CGNL1: variants seen among roughly 807,000 people sequenced by gnomAD.
CGNL1 encodes the protein cingulin-like protein 1.
In CGNL1, 132 loss-of-function variants were observed where a neutral mutation model predicts 141.2. That is an observed-to-expected ratio of 0.93 (90% CI 0.81 to 1.08). CGNL1 has a LOEUF of 1.08. Among genes scored for constraint, CGNL1 ranks in the 50% least tolerant of loss-of-function variants. The pLI, the probability that CGNL1 is intolerant of heterozygous loss-of-function variation, is 0.00. For synonymous variants in CGNL1, 690 were observed against 622.1 expected, an observed-to-expected ratio of 1.11 and a Z score of -1.63; for missense variants, 1,870 against 1,588.6, an observed-to-expected ratio of 1.18 and a Z score of -3.01.
chr15:57,381,176 AC>A (rs1343945623), intron 1 of CGNL1, among the ~76,000 whole-genome samples: 1 of 152,024 alleles, frequency 6.6e-6, no homozygotes, highest in South Asian at 2.1e-4. Flanking sequence ...ATTACTGTAA[AC>A]CCTTTACATT....
chr15:57,484,722 C>A (rs764938038), intron 8 of CGNL1, among the ~76,000 whole-genome samples: 8 of 152,118 alleles, frequency 5.3e-5, no homozygotes, highest in African/African-American at 1.2e-4. Flanking sequence ...CCTTACCCCC[C>A]AATCCACTGA....
At chr15:57,518,302 G>T in intron 9 of CGNL1, 91 bp from the exon 10 acceptor site, 1 of 908,172 alleles carries the variant, frequency 1.1e-6, no homozygotes, top group South Asian at 1.5e-5. Flanking sequence ...CCATATCTAT[G>T]GGTGTCTTCG....
At chr15:57,440,493 A>G in intron 3 of CGNL1, 22 bp downstream of exon 3, 1 of 1,512,748 alleles carries the variant, frequency 6.6e-7, no homozygotes, top group Non-Finnish European at 9.0e-7. Context: ...TCCCTCTGAA[A>G]GAGCAAAGTA....
intron 1 of CGNL1, among the ~76,000 whole-genome samples, chr15:57,408,164 G>C (rs923628954): frequency 8.5e-5 from 13 of 152,260 alleles, no homozygotes; most frequent in African/African-American, 3.1e-4. Context: ...CTTGCAGAAA[G>C]TGGGATGCTC....
chr15:57,520,769 A>G (rs1243284419), intron 10 of CGNL1, among the ~76,000 whole-genome samples: 2 of 152,168 alleles, frequency 1.3e-5, no homozygotes, highest in African/African-American at 4.8e-5. Context: ...GAGACAACCA[A>G]GGAAAAAGGG....
intron 1 of CGNL1, among the ~76,000 whole-genome samples, chr15:57,378,363 GTTTTTTTTTTTTTT>G (rs71116514): frequency 4.7e-3 from 160 of 33,936 alleles, no homozygotes; most frequent in South Asian, 0.016. Context: ...CCCTCTATGT[GTTTTTTTTTTTTTT>G]TTTTTTTTTT....
At chr15:57,506,291 G>A (rs897517849) in intron 8 of CGNL1, among the ~76,000 whole-genome samples, 2 of 152,224 alleles carry the variant, frequency 1.3e-5, no homozygotes, top group Non-Finnish European at 2.9e-5. Context: ...GAAGGCGAAC[G>A]GCACTGCAGG....
chr15:57,541,549 G>A (rs1388704342), intron 14 of CGNL1, among the ~76,000 whole-genome samples: 1 of 152,254 alleles, frequency 6.6e-6, no homozygotes, highest in Non-Finnish European at 1.5e-5. Context: ...GCCTGAGTTG[G>A]GTGGACGTGC....
chr15:57,459,528 A>G (rs561475388), intron 7 of CGNL1, among the ~76,000 whole-genome samples: 87 of 152,222 alleles, frequency 5.7e-4, no homozygotes, highest in African/African-American at 2.1e-3. Flanking sequence ...AAAGGCAGGG[A>G]GAGATGGGCC....
intron 8 of CGNL1, among the ~76,000 whole-genome samples, chr15:57,490,834 C>T (rs2063850602): frequency 6.6e-6 from 1 of 152,160 alleles, no homozygotes; most frequent in Non-Finnish European, 1.5e-5. Flanking sequence ...GCATCAATCA[C>T]ATTGATAGTA....
chr15:57,435,944 A>G lies in CGNL1; in HGVS notation c.-15-2041A>G, dbSNP rs147252187. On this transcript the variant is annotated intron_variant, in intron 1 of 18. Coordinates refer to ENST00000281282, the MANE Select transcript of CGNL1 (RefSeq NM_032866.5). Reference sequence around the variant, plus strand: ...ATTTAAAAAGGAAGAAATGGTAGAGACTTCATTTTCTGACCACAATACAGG... The same window carrying G: ...ATTTAAAAAGGAAGAAATGGTAGAGGCTTCATTTTCTGACCACAATACAGG... Among the ~76,000 whole-genome samples, 258 of 152,270 alleles carry G rather than the reference A, an allele frequency of 1.7e-3. 9 individuals are homozygous for G. Among genetic ancestry groups the G allele is most frequent in the Admixed American group, 0.015 (227 of 15,298 alleles).
In CGNL1 at chr15:57,528,833, T is replaced by G; in HGVS notation, c.3201+18T>G. 6.2e-7 allele frequency: 1 copy of G among 1,611,736 alleles called. No homozygotes were observed. Among genetic ancestry groups the G allele is most frequent in the Non-Finnish European group, 8.5e-7 (1 of 1,179,164 alleles). The stretch of plus-strand genomic sequence containing the variant: ...AGATGGAGGTCTGTGGGCCGTACAG[T>G]GTGAGCTGGGGGACCTGCAGAGAGC... On this transcript the variant is annotated intron_variant, in intron 13 of 18. Coordinates refer to ENST00000281282, the MANE Select transcript of CGNL1 (RefSeq NM_032866.5).
rs529805661 is a variant in CGNL1 at position 57,423,427 on chromosome 15, T to A, written c.-15-14558T>A. ...GAAGAGTGTGGGATGGGTATCTGTT[T>A]TATGAGACAGCCTTTTTTTTAACGT... On this transcript the variant is annotated intron_variant, in intron 1 of 18. Transcript: ENST00000281282. 2.4e-4 allele frequency among the ~76,000 whole-genome samples: 22 copies of A among 93,610 alleles called. 1 individual carries two copies. The South Asian group carries it at 0.011, about 45-fold the overall frequency. The allele number at this position is 93,610 out of a possible 152,430, so 61.4% of individuals were successfully genotyped here.
intron 9 of CGNL1, among the ~76,000 whole-genome samples, chr15:57,517,469 C>T (rs1183213323): frequency 1.3e-5 from 2 of 152,210 alleles, no homozygotes; most frequent in African/African-American, 4.8e-5. Context: ...TAGGAAAGGG[C>T]AGCTGACAAT....
intron 8 of CGNL1, among the ~76,000 whole-genome samples, chr15:57,509,719 G>C (rs183760266): frequency 7.4e-4 from 113 of 152,378 alleles, no homozygotes; most frequent in Admixed American, 1.5e-3. Flanking sequence ...ATGGCAAAGA[G>C]TGGGATTTCA....
chr15:57,376,973 C>A (rs1381479588), intron 1 of CGNL1: 1 of 152,206 alleles, frequency 6.6e-6, no homozygotes, highest in African/African-American at 2.4e-5. Context: ...CTGTCGTACA[C>A]AAGTCCTCGG....
chr15:57,395,839 C>T (rs569513806), intron 1 of CGNL1, among the ~76,000 whole-genome samples: 24 of 151,204 alleles, frequency 1.6e-4, no homozygotes, highest in Non-Finnish European at 2.9e-4. Flanking sequence ...AAGTGGTTAG[C>T]GCCATGGTAC....
intron 1 of CGNL1, among the ~76,000 whole-genome samples, chr15:57,395,814 G>C (rs1465462988): frequency 2.6e-5 from 4 of 152,186 alleles, no homozygotes; most frequent in Non-Finnish European, 5.9e-5. Context: ...ATTTGCCCAA[G>C]ACCATGCAGC....
chr15:57,473,864 T>C (rs376341429), intron 8 of CGNL1, among the ~76,000 whole-genome samples: 1 of 149,954 alleles, frequency 6.7e-6, no homozygotes, highest in Admixed American at 6.6e-5. Flanking sequence ...CAGAACTGCC[T>C]GATTGAGTCA....
Sources: gnomAD v4.1 joint callset for allele counts (sites outside exome capture counted in the v4.1 genomes callset) on GRCh38, gnomAD v4.1.1 for gene constraint, MANE v1.5 for transcripts, NCBI Gene and HGNC (gene_info 2026-07-23, HGNC 2026-07-21) for gene names.